Variants in C1D observed in about 807,000 individuals in gnomAD.
C1D encodes nuclear nucleic acid-binding protein C1D.
C1D carries 10 observed loss-of-function variants against 17.5 expected under a neutral mutation model. The ratio of observed to expected loss-of-function variants is 0.57; its 90% CI spans 0.35 to 0.97. The LOEUF (loss-of-function observed/expected upper bound fraction) is 0.97. Among genes scored for constraint, C1D ranks in the 50% least tolerant of loss-of-function variants. C1D has a pLI of 0.01. For missense variants in C1D, 136 were observed against 160.1 expected, an observed-to-expected ratio of 0.85 and a Z score of 0.81; for synonymous variants, 49 against 54.0, an observed-to-expected ratio of 0.91 and a Z score of 0.40.
chr2:68,051,583 G>A lies in C1D; in HGVS notation c.-9-4264C>T, dbSNP rs188638801. 1.8e-3 allele frequency among the ~76,000 whole-genome samples: 273 copies of A among 152,166 alleles called. 1 individual carries two copies. Among genetic ancestry groups the A allele is most frequent in the African/African-American group, 6.3e-3 (260 of 41,528 alleles). ...TCAACACAATCTGCCCTGACTGCCCGTCACCTTCTGTGACTTCATCTCCCA... is the reference window on the plus strand; with the variant it reads ...TCAACACAATCTGCCCTGACTGCCCATCACCTTCTGTGACTTCATCTCCCA... On this transcript the variant is annotated intron_variant, in intron 1 of 4. Transcript: ENST00000410067.
Position 68,043,002 on chromosome 2 carries a change from T to A in C1D, c.313A>T (p.Lys105Ter). 1 of 1,611,434 alleles carries A rather than the reference T, an allele frequency of 6.2e-7. No homozygotes were observed. Among genetic ancestry groups the A allele is most frequent in the South Asian group, 1.1e-5 (1 of 90,732 alleles). ...NRVKEITDKK[K>*]AGKLDRGAAS... ...GCACCTCTGTCCAGCTTGCCAGCCTTTTTCTTGTCTGTTATTTCCTTGACT... is the reference window on the plus strand; with the variant it reads ...GCACCTCTGTCCAGCTTGCCAGCCTATTTCTTGTCTGTTATTTCCTTGACT... The change falls in exon 5 of 5, where the codon AAG (lysine) becomes TAG (stop). Residue 105 changes from lysine to a stop codon, truncating the protein, a stop_gained. Transcript: ENST00000410067. LOFTEE classifies it high-confidence loss of function.
chr2:68,051,847 A>G (rs888432455), intron 1 of C1D, among the ~76,000 whole-genome samples: 1 of 151,584 alleles, frequency 6.6e-6, no homozygotes, highest in Non-Finnish European at 1.5e-5. Context: ...CACACTCCCT[A>G]TCTCCTCCCC....
At position 68,043,008 on chromosome 2, in the gene C1D, T is replaced by C. The variant is rs1558579399; in HGVS notation, c.307A>G (p.Lys103Glu). The C allele has an allele frequency of 1.2e-6, 2 of 1,611,034 alleles. No individual in the cohort carries two copies. The highest frequency in any genetic ancestry group is 3.3e-5 in the Admixed American group (2 of 59,768). Residue 103 changes from lysine (K) to glutamate (E), a missense_variant, in exon 5 of 5, where the codon AAG (lysine) becomes GAG (glutamate). Coordinates refer to ENST00000410067, the MANE Select transcript of C1D (RefSeq NM_173177.3). ...YMNRVKEITD[K>E]KKAGKLDRGA... ...CTGTCCAGCTTGCCAGCCTTTTTCT[T>C]GTCTGTTATTTCCTTGACTCTGTTC...
At chr2:68,053,098 G>C in intron 1 of C1D, 1 of 1,550,792 alleles carries the variant, frequency 6.4e-7, no homozygotes, top group Non-Finnish European at 8.7e-7. Context: ...GGTTCTATAG[G>C]TACTCCTTGC....
intron 1 of C1D, among the ~76,000 whole-genome samples, chr2:68,047,574 T>G (rs1313079245): frequency 6.6e-6 from 1 of 152,162 alleles, no homozygotes; most frequent in African/African-American, 2.4e-5. Context: ...TCAACATTTT[T>G]GTTTTGTTTT....
At chr2:68,044,268 CAG>C (rs1251938864) in intron 4 of C1D, among the ~76,000 whole-genome samples, 3 of 152,274 alleles carry the variant, frequency 2.0e-5, no homozygotes, top group African/African-American at 7.2e-5. Context: ...GCATTACTCA[CAG>C]AGGAATCATC....
At chr2:68,053,595 C>G (rs1572885424) in intron 1 of C1D, among the ~76,000 whole-genome samples, 1 of 152,354 alleles carries the variant, frequency 6.6e-6, no homozygotes, top group East Asian at 1.9e-4. Flanking sequence ...TTTAAACAGT[C>G]TGGTCATGGT....
chr2:68,042,594 C>T lies in C1D; in HGVS notation c.*295G>A, dbSNP rs1380856405. 1.1e-5 allele frequency: 2 copies of T among 181,690 alleles called. No individual in the cohort carries two copies. The highest frequency in any genetic ancestry group is 2.3e-5 in the Non-Finnish European group (2 of 85,500). The allele number at this position is 181,690 out of a possible 1,614,324, so 11.3% of individuals were successfully genotyped here. ...TACAAAGAACATTTCACTTAAATTT[C>T]ACAGCTGCTTATAAAATGGTACTTG... On this transcript the variant is annotated 3_prime_UTR_variant, in exon 5 of 5. Transcript: ENST00000410067.
intron 1 of C1D, among the ~76,000 whole-genome samples, chr2:68,059,205 A>G (rs1671546232): frequency 6.6e-6 from 1 of 152,228 alleles, no homozygotes; most frequent in South Asian, 2.1e-4. Flanking sequence ...AACCGGCTCT[A>G]GGAGTGAACT....
In C1D at chr2:68,046,430, G is replaced by C; in HGVS notation, c.139-20C>G. On this transcript the variant is annotated intron_variant, in intron 2 of 4. Transcript: ENST00000410067. ...ATCCAACTGTTAAAAAAGAAAGAGA[G>C]AGGGAAAGAGAGAAAGTGAGACAGA... is the stretch of plus-strand genomic sequence containing the variant. The C allele has an allele frequency of 1.9e-6, 3 of 1,567,674 alleles. No individual in the cohort carries two copies. The highest frequency in any genetic ancestry group is 2.6e-6 in the Non-Finnish European group (3 of 1,142,590).
At chr2:68,053,882 T>A (rs954937428) in intron 1 of C1D, among the ~76,000 whole-genome samples, 4 of 152,136 alleles carry the variant, frequency 2.6e-5, no homozygotes, top group African/African-American at 9.7e-5. Flanking sequence ...TCTTTGGAGG[T>A]AAAAAATAGG....
chr2:68,052,124 G>A (rs1156456940), intron 1 of C1D, among the ~76,000 whole-genome samples: 1 of 151,452 alleles, frequency 6.6e-6, no homozygotes, highest in Non-Finnish European at 1.5e-5. Context: ...TATATATAGT[G>A]ACACACAATG....
chr2:68,049,012 C>T (rs1449558001), intron 1 of C1D, among the ~76,000 whole-genome samples: 4 of 152,036 alleles, frequency 2.6e-5, no homozygotes, highest in African/African-American at 9.7e-5. Flanking sequence ...GCCTGGCCAA[C>T]ATAGTGAAAC....
chr2:68,058,661 T>G (rs1346245506), intron 1 of C1D, among the ~76,000 whole-genome samples: 1 of 152,198 alleles, frequency 6.6e-6, no homozygotes. Flanking sequence ...GGATGCTCTC[T>G]GGACAAAATC....
chr2:68,042,839 G>GGC lies in C1D; in HGVS notation c.*49_*50insGC. ...ACAGAATTATTTTGCGGGGGGGGGG[G>GGC]GGGGGGGGAAGATGTACTTTTTGAA... is the stretch of plus-strand genomic sequence containing the variant. On this transcript the variant is annotated 3_prime_UTR_variant, in exon 5 of 5. Coordinates refer to ENST00000410067, the MANE Select transcript of C1D (RefSeq NM_173177.3). 2.6e-6 allele frequency: 1 copy of GGC among 387,448 alleles called. No homozygotes were observed. Among genetic ancestry groups the GGC allele is most frequent in the South Asian group, 2.8e-5 (1 of 35,104 alleles). The allele number at this position is 387,448 out of a possible 1,614,324, so 24.0% of individuals were successfully genotyped here. A position where few individuals can be genotyped will look rare whatever the true frequency, so the allele number is the denominator to read the frequency against.
intron 1 of C1D, among the ~76,000 whole-genome samples, chr2:68,054,009 T>C (rs1310420630): frequency 1.3e-5 from 2 of 152,218 alleles, no homozygotes; most frequent in East Asian, 3.8e-4. Flanking sequence ...TAATGTATTT[T>C]TATTTACTTG....
intron 1 of C1D, among the ~76,000 whole-genome samples, chr2:68,060,292 T>TA (rs1490718245): frequency 6.6e-6 from 1 of 152,210 alleles, no homozygotes; most frequent in Non-Finnish European, 1.5e-5. Flanking sequence ...GGTTTTCACC[T>TA]ACCCCACCCC....
At chr2:68,062,696 G>C (rs753548515) in intron 1 of C1D, among the ~76,000 whole-genome samples, 1 of 152,128 alleles carries the variant, frequency 6.6e-6, no homozygotes, top group African/African-American at 2.4e-5. Context: ...CGAAGAAAAA[G>C]AGAGAGACCG....
intron 2 of C1D, chr2:68,046,677 C>A (rs1005745715): frequency 6.1e-5 from 22 of 361,914 alleles, no homozygotes; most frequent in Non-Finnish European, 6.9e-5. Context: ...AAGAAAAATT[C>A]TTTTGAATTA....
Sources: allele counts gnomAD v4.1 joint callset (sites outside exome capture counted in the v4.1 genomes callset), GRCh38; gene constraint gnomAD v4.1.1; transcripts MANE v1.5; gene names NCBI Gene and HGNC (gene_info 2026-07-23, HGNC 2026-07-21).